MARCO: variants seen among roughly 807,000 people sequenced by gnomAD.
The protein encoded by MARCO is macrophage receptor with collagenous structure.
A neutral mutation model predicts 70.0 loss-of-function variants in MARCO; 72 were observed. That is an observed-to-expected ratio of 1.03 (90% CI 0.85 to 1.25). The LOEUF is 1.25. MARCO is among the 50% of genes most tolerant of loss of function. MARCO has a pLI of 0.00. For synonymous variants in MARCO, 273 were observed against 243.1 expected, an observed-to-expected ratio of 1.12 and a Z score of -1.14; for missense variants, 696 against 659.3, an observed-to-expected ratio of 1.06 and a Z score of -0.61.
intron 1 of MARCO, among the ~76,000 whole-genome samples, chr2:118,943,947 C>G (rs185747143): frequency 4.3e-4 from 66 of 152,084 alleles, no homozygotes; most frequent in African/African-American, 1.5e-3. Context: ...AAGCTGAGGA[C>G]AGAGAGGAAC....
At chr2:118,972,653 C>T (rs916292587) in intron 4 of MARCO, among the ~76,000 whole-genome samples, 6 of 152,160 alleles carry the variant, frequency 3.9e-5, no homozygotes, top group African/African-American at 1.4e-4. Flanking sequence ...ATGTTCTTGT[C>T]TTCGTTATTA....
rs750725034 is a variant in MARCO, at chr2:118,974,425, C to T, written c.553C>T (p.Arg185Ter). Residue 185 changes from arginine to a stop codon, truncating the protein, a stop_gained, in exon 5 of 17, where the codon CGA (arginine) becomes TGA (stop). Coordinates refer to ENST00000327097, the MANE Select transcript of MARCO (RefSeq NM_006770.4). LOFTEE classifies it high-confidence loss of function. ...GAAGGGAGCCAAGGGGGCTATGGGA[C>T]GAGATGGAGCAACAGGTACGGGTCT... ...AEKGAKGAMG[R>*]DGATGPSGPQ... 187 of 1,612,634 alleles carry T rather than the reference C, an allele frequency of 1.2e-4. No individual in the cohort carries two copies. Among genetic ancestry groups the T allele is most frequent in the Non-Finnish European group, 1.4e-4 (169 of 1,179,542 alleles).
intron 1 of MARCO, among the ~76,000 whole-genome samples, chr2:118,964,550 A>C (rs1680007418): frequency 1.3e-5 from 2 of 152,106 alleles, no homozygotes; most frequent in Non-Finnish European, 2.9e-5. Context: ...TACCACTTAC[A>C]TCTGTTCTCC....
rs1553416013 is a variant in MARCO, at chr2:118,981,468, C to T, written c.826C>T (p.Gln276Ter). ...AGGGGTCATGGGGCCTCCTGGAGCC[C>T]AGGGGAGTAAAGGTGACTTCGGGAG... ...DAGVMGPPGA[Q>*]GSKGDFGRPG... The change falls in exon 9 of 17, where the codon CAG (glutamine) becomes TAG (stop). Residue 276 changes from glutamine to a stop codon, truncating the protein, a stop_gained. Transcript: ENST00000327097. LOFTEE classifies it high-confidence loss of function. 6.3e-7 allele frequency: 1 copy of T among 1,597,386 alleles called. No individual in the cohort carries two copies. The highest frequency in any genetic ancestry group is 1.1e-5 in the South Asian group (1 of 87,512).
At chr2:118,982,754 A>C (rs1680419138) in intron 12 of MARCO, among the ~76,000 whole-genome samples, 1 of 152,092 alleles carries the variant, frequency 6.6e-6, no homozygotes, top group African/African-American at 2.4e-5. Flanking sequence ...TGGGGCCCCT[A>C]AGAGGGGGTC....
Position 118,977,773 on chromosome 2 carries a change from A to G in MARCO, c.659-55A>G, listed in dbSNP as rs546300513. ...TGCTTCCTGCCCCTTTGCCTCTGGTAGCCTGTCCCCAAAAGGATAGTGGGA... is the reference window on the plus strand; with the variant it reads ...TGCTTCCTGCCCCTTTGCCTCTGGTGGCCTGTCCCCAAAAGGATAGTGGGA... On this transcript the variant is annotated intron_variant, in intron 7 of 16. Coordinates refer to ENST00000327097, the MANE Select transcript of MARCO (RefSeq NM_006770.4). 72 of 1,379,096 alleles carry G rather than the reference A, an allele frequency of 5.2e-5. 2 individuals are homozygous for G. The South Asian group carries it at 8.6e-4, about 16-fold the overall frequency. The allele number at this position is 1,379,096 out of a possible 1,614,324, so 85.4% of individuals were successfully genotyped here.
At chr2:118,948,484 T>C (rs1679646980) in intron 1 of MARCO, among the ~76,000 whole-genome samples, 1 of 152,226 alleles carries the variant, frequency 6.6e-6, no homozygotes. Flanking sequence ...CCTGTGAGCA[T>C]GTTCAGCAGT....
chr2:118,986,586 GAAGAAAGAAAGAAAGAAAGAAAGAAAGA>G (rs755693328), intron 12 of MARCO, among the ~76,000 whole-genome samples: 6 of 46,666 alleles, frequency 1.3e-4, no homozygotes, highest in Non-Finnish European at 2.2e-4. Context: ...GGGAAGGAAA[GAAGAAAGAAAGAAAGAAAGAAAGAAAGA>G]AAGAAAGAAA....
At position 118,993,265 on chromosome 2, in the gene MARCO, A is replaced by T; in HGVS notation, c.1394A>T (p.Tyr465Phe). ...DAIVFCRMLG[Y>F]SKGRALYKVG... is the part of the protein sequence containing the mutation. ...ATTGTCTTCTGCCGCATGCTGGGTT[A>T]CTCCAAAGGAAGGGCCCTGTACAAA... The change falls in exon 16 of 17, where the codon TAC becomes TTC. Residue 465 changes from tyrosine to phenylalanine, a missense_variant. By Grantham distance (22) the Tyr-to-Phe change is conservative (BLOSUM62 3). This residue lies in a region of MARCO where 33 missense variants were observed against 59.6 expected (regional missense o/e 0.55). Transcript: ENST00000327097. 6.2e-7 allele frequency: 1 copy of T among 1,613,950 alleles called. No homozygotes were observed. The highest frequency in any genetic ancestry group is 8.5e-7 in the Non-Finnish European group (1 of 1,179,990).
chr2:118,952,777 C>T (rs1679748404), intron 1 of MARCO: 1 of 152,178 alleles, frequency 6.6e-6, no homozygotes, highest in South Asian at 2.1e-4. Context: ...GGTGCCTCCT[C>T]ATGAAAGAGG....
chr2:118,977,331 AGAGAGT>A (rs972572660), intron 6 of MARCO, 134 bp from the exon 7 acceptor site: 7 of 676,608 alleles, frequency 1.0e-5, no homozygotes, highest in Non-Finnish European at 1.6e-5. Context: ...AGAGAGAGAG[AGAGAGT>A]GAGAGTGAGA....
Position 118,974,540 on chromosome 2 carries a change from C to G in MARCO, c.588C>G (p.Gly196=). The G allele has an allele frequency of 6.2e-7, 1 of 1,613,840 alleles. No homozygotes were observed. Among genetic ancestry groups the G allele is most frequent in the East Asian group, 2.2e-5 (1 of 44,856 alleles). ...DGATGPSGPQ[G]PPGVKGEAGL... ...TTCCAGGCCCCTCGGGACCCCAAGG[C>G]CCACCGGGAGTCAAGGGAGAGGCGG... Residue 196 remains glycine, a synonymous_variant, in exon 6 of 17, where the codon GGC becomes GGG. Transcript: ENST00000327097.
At chr2:118,962,692 C>T (rs541617252) in intron 1 of MARCO, among the ~76,000 whole-genome samples, 2 of 152,146 alleles carry the variant, frequency 1.3e-5, no homozygotes, top group East Asian at 3.9e-4. Flanking sequence ...GATGCTAACT[C>T]TTCTTTAAAT....
At chr2:118,977,778 G>C in intron 7 of MARCO, 50 bp from the exon 8 acceptor site, 1 of 1,429,632 alleles carries the variant, frequency 7.0e-7, no homozygotes, top group Non-Finnish European at 9.7e-7. Flanking sequence ...CTGGTAGCCT[G>C]TCCCCAAAAG....
chr2:118,948,459 G>A (rs1450135694), intron 1 of MARCO, among the ~76,000 whole-genome samples: 1 of 152,250 alleles, frequency 6.6e-6, no homozygotes, highest in Non-Finnish European at 1.5e-5. Context: ...AGCATAGGGT[G>A]TGAGCTGGAA....
chr2:118,993,412 T>C, intron 16 of MARCO, 112 bp downstream of exon 16: 1 of 1,114,044 alleles, frequency 9.0e-7, no homozygotes, highest in South Asian at 1.5e-5. Context: ...AAGAAAAATA[T>C]TGGTCCAAGC....
At chr2:118,942,635 T>C (rs1679526388) in intron 1 of MARCO, among the ~76,000 whole-genome samples, 1 of 152,212 alleles carries the variant, frequency 6.6e-6, no homozygotes. Flanking sequence ...GTTTTAATCA[T>C]ATTTAAATAT....
At chr2:118,972,862 C>A (rs1680199158) in intron 4 of MARCO, among the ~76,000 whole-genome samples, 1 of 152,174 alleles carries the variant, frequency 6.6e-6, no homozygotes, top group African/African-American at 2.4e-5. Flanking sequence ...GGGTTCAGTA[C>A]AACCTTCAAA....
chr2:118,959,258 CCA>C (rs1306193879), intron 1 of MARCO, among the ~76,000 whole-genome samples: 1 of 152,034 alleles, frequency 6.6e-6, no homozygotes, highest in Non-Finnish European at 1.5e-5. Context: ...GGATTAATGT[CCA>C]GAATCTACAA....
Sources: allele counts gnomAD v4.1 joint callset (sites outside exome capture counted in the v4.1 genomes callset), GRCh38; gene constraint gnomAD v4.1.1; regional missense constraint gnomAD v4.1.1; transcripts MANE v1.5; gene names NCBI Gene and HGNC (gene_info 2026-07-23, HGNC 2026-07-21).